Variants in ECPAS observed in about 807,000 individuals in gnomAD.
The protein encoded by ECPAS is Ecm29 proteasome adaptor and scaffold.
A neutral mutation model predicts 255.1 loss-of-function variants in ECPAS; 70 were observed. That is an observed-to-expected ratio of 0.27 (90% CI 0.23 to 0.33). The LOEUF is 0.33. Ranked by LOEUF, ECPAS falls within the 10% of genes least tolerant of loss-of-function variation. The pLI is 1.00. For missense variants in ECPAS, 1,817 were observed against 2,206.4 expected, an observed-to-expected ratio of 0.82 and a Z score of 3.54; for synonymous variants, 784 against 775.0, an observed-to-expected ratio of 1.01 and a Z score of -0.19.
At chr9:111,449,575 GATGA>G (rs1177269522) in intron 3 of ECPAS, among the ~76,000 whole-genome samples, 46 of 152,180 alleles carry the variant, frequency 3.0e-4, no homozygotes, top group African/African-American at 1.0e-3. Context: ...GATGGACAGA[GATGA>G]ATGACTTTCT....
At chr9:111,427,908 GA>G (rs1279668880) in intron 10 of ECPAS, 133 bp downstream of exon 10, 3 of 666,654 alleles carry the variant, frequency 4.5e-6, no homozygotes, top group Non-Finnish European at 6.8e-6. Flanking sequence ...ATTTAAGATA[GA>G]AAAAAAGAAT....
At chr9:111,457,739 T>TAA (rs1200040559) in intron 2 of ECPAS, among the ~76,000 whole-genome samples, 1 of 152,110 alleles carries the variant, frequency 6.6e-6, no homozygotes, top group Non-Finnish European at 1.5e-5. Flanking sequence ...GAAGAAAGTG[T>TAA]AAAGGACCCA....
At chr9:111,437,147 A>G (rs970652314) in intron 6 of ECPAS, 39 bp from the exon 7 acceptor site, 1 of 1,506,694 alleles carries the variant, frequency 6.6e-7, no homozygotes, top group African/African-American at 1.4e-5. Context: ...TATAAATACA[A>G]AAGCATTTAC....
intron 13 of ECPAS, among the ~76,000 whole-genome samples, 191 bp downstream of exon 13, chr9:111,423,008 C>T (rs889854183): frequency 2.6e-5 from 4 of 152,152 alleles, no homozygotes; most frequent in African/African-American, 7.2e-5. Flanking sequence ...CAGTAACATA[C>T]CTTCAAATGT....
chr9:111,401,013 C>T (rs1485885358), intron 24 of ECPAS, among the ~76,000 whole-genome samples: 1 of 151,964 alleles, frequency 6.6e-6, no homozygotes, highest in Non-Finnish European at 1.5e-5. Context: ...CCTCAAAGTA[C>T]CAAGAGAAAA....
rs1034744465 is a variant in ECPAS, at chr9:111,397,265, CTT to C, written c.2653-114_2653-113del. ...GTTCTGAGCATGTTTTGTTTTCACT[CTT>C]TGCCCTAGTTTGCTTTCGGCTAATT... On this transcript the variant is annotated intron_variant, in intron 24 of 49. Transcript: ENST00000684092. 4 of 1,369,320 alleles carry C rather than the reference CTT, an allele frequency of 2.9e-6. No homozygotes were observed. In the African/African-American group the frequency reaches 5.7e-5, roughly 20 times the overall value. The allele number at this position is 1,369,320 out of a possible 1,614,324, so 84.8% of individuals were successfully genotyped here. A position where few individuals can be genotyped will look rare whatever the true frequency, so the allele number is the denominator to read the frequency against.
intron 31 of ECPAS, among the ~76,000 whole-genome samples, chr9:111,387,617 C>A (rs1384499497): frequency 6.6e-6 from 1 of 151,536 alleles, no homozygotes; most frequent in Non-Finnish European, 1.5e-5. Context: ...CACTCACCAT[C>A]AGTGCAGTTA....
intron 10 of ECPAS, among the ~76,000 whole-genome samples, chr9:111,426,875 T>C (rs903974750): frequency 6.6e-6 from 1 of 151,728 alleles, no homozygotes; most frequent in African/African-American, 2.4e-5. Flanking sequence ...GGCCTGGAGA[T>C]GGGAGAATCA....
chr9:111,445,692 T>C (rs1419968421), intron 3 of ECPAS, among the ~76,000 whole-genome samples: 1 of 152,180 alleles, frequency 6.6e-6, no homozygotes, highest in East Asian at 1.9e-4. Context: ...TTTGTTTTTA[T>C]TATACTTTCA....
At chr9:111,448,852 C>A (rs1412817814) in intron 3 of ECPAS, among the ~76,000 whole-genome samples, 1 of 152,106 alleles carries the variant, frequency 6.6e-6, no homozygotes, top group East Asian at 1.9e-4. Context: ...GACCAAACTG[C>A]ACATCAACAT....
At chr9:111,472,640 CAAAA>C (rs1311352345) in intron 2 of ECPAS, among the ~76,000 whole-genome samples, 1 of 84,664 alleles carries the variant, frequency 1.2e-5, no homozygotes, top group Non-Finnish European at 2.5e-5. Flanking sequence ...ACACTGTCTC[CAAAA>C]AAAAAAAAAA....
intron 25 of ECPAS, 149 bp from the exon 26 acceptor site, chr9:111,394,454 A>C (rs975673439): frequency 1.5e-6 from 1 of 666,532 alleles, no homozygotes; most frequent in African/African-American, 1.9e-5. Context: ...TGAAGGAATC[A>C]ATAATTATCC....
At chr9:111,378,402 T>C (rs2131545257) in intron 36 of ECPAS, among the ~76,000 whole-genome samples, 178 bp downstream of exon 36, 1 of 152,278 alleles carries the variant, frequency 6.6e-6, no homozygotes, top group African/African-American at 2.4e-5. Context: ...TTTCATCCAA[T>C]TCACAAGACA....
chr9:111,422,933 CA>C (rs1428952159), intron 13 of ECPAS, among the ~76,000 whole-genome samples: 1 of 152,062 alleles, frequency 6.6e-6, no homozygotes. Context: ...CTCTAGGGTA[CA>C]AAAAAAGTAA....
intron 1 of ECPAS, among the ~76,000 whole-genome samples, 190 bp from the exon 2 acceptor site, chr9:111,473,190 A>G (rs2098291375): frequency 6.6e-6 from 1 of 152,184 alleles, no homozygotes; most frequent in Non-Finnish European, 1.5e-5. Context: ...CCACAAACCA[A>G]ATTTACTGAG....
intron 2 of ECPAS, among the ~76,000 whole-genome samples, chr9:111,463,440 AAC>A (rs1473726712): frequency 6.6e-6 from 1 of 152,254 alleles, no homozygotes; most frequent in Non-Finnish European, 1.5e-5. Flanking sequence ...CTCTACAGAA[AAC>A]AGAGTGCTTT....
chr9:111,481,518 AG>A (rs1413799211), intron 1 of ECPAS, among the ~76,000 whole-genome samples: 1 of 152,152 alleles, frequency 6.6e-6, no homozygotes, highest in African/African-American at 2.4e-5. Flanking sequence ...GAAAAAAAAA[AG>A]AAAAAAGAAA....
chr9:111,460,514 T>C (rs1216497217), intron 2 of ECPAS, among the ~76,000 whole-genome samples: 1 of 152,054 alleles, frequency 6.6e-6, no homozygotes, highest in Middle Eastern at 3.2e-3. Flanking sequence ...ATAAAATGCA[T>C]TAAGATTACA....
chr9:111,479,732 G>C (rs1054320232), intron 1 of ECPAS, among the ~76,000 whole-genome samples: 3 of 152,088 alleles, frequency 2.0e-5, no homozygotes, highest in Non-Finnish European at 4.4e-5. Context: ...TGTAATCCCA[G>C]CACTGTGGGA....
Sources: allele counts gnomAD v4.1 joint callset (sites outside exome capture counted in the v4.1 genomes callset), GRCh38; gene constraint gnomAD v4.1.1; transcripts MANE v1.5; gene names NCBI Gene and HGNC (gene_info 2026-07-23, HGNC 2026-07-21).